Variants in SYNE2 observed in about 807,000 individuals in gnomAD.
SYNE2 encodes the protein nesprin-2.
In SYNE2, 431 loss-of-function variants were observed where a neutral mutation model predicts 856.3. The observed-to-expected ratio is 0.50, with a 90% CI of 0.47 to 0.55. SYNE2 has a LOEUF of 0.55. Among genes scored for constraint, SYNE2 ranks in the 20% least tolerant of loss-of-function variants. SYNE2 has a pLI of 0.00. For missense variants in SYNE2, 8,129 were observed against 8,023.2 expected (o/e 1.01, Z -0.50); for synonymous variants, 2,923 against 2,872.3 (o/e 1.02, Z -0.56).
intron 55 of SYNE2, among the ~76,000 whole-genome samples, chr14:64,079,972 C>CCA: frequency 6.6e-6 from 1 of 152,222 alleles, no homozygotes; most frequent in East Asian, 1.9e-4. Flanking sequence ...ATTGTGTGAG[C>CCA]CACTGCACCC....
intron 85 of SYNE2, among the ~76,000 whole-genome samples, chr14:64,155,346 C>G (rs777806139): frequency 2.6e-5 from 4 of 151,998 alleles, no homozygotes; most frequent in African/African-American, 9.7e-5. Context: ...GAGTGAAAGA[C>G]GCCAGTCACA....
chr14:64,079,967 G>T (rs1295253449), intron 55 of SYNE2, among the ~76,000 whole-genome samples: 1 of 152,120 alleles, frequency 6.6e-6, no homozygotes, highest in African/African-American at 2.4e-5. Context: ...CCAAAATTGT[G>T]TGAGCCACTG....
chr14:64,068,020 C>T (rs2097370817), intron 51 of SYNE2, among the ~76,000 whole-genome samples: 1 of 152,058 alleles, frequency 6.6e-6, no homozygotes. Flanking sequence ...TACAATTGAC[C>T]GTGAACCTGA....
intron 11 of SYNE2, among the ~76,000 whole-genome samples, chr14:63,968,624 A>G (rs2096429496): frequency 6.6e-6 from 1 of 152,208 alleles, no homozygotes; most frequent in South Asian, 2.1e-4. Flanking sequence ...AACTTTGTGC[A>G]CTTGAAAAGA....
intron 1 of SYNE2, among the ~76,000 whole-genome samples, chr14:63,837,676 A>C (rs1416303020): frequency 1.3e-5 from 2 of 152,126 alleles, no homozygotes; most frequent in African/African-American, 4.8e-5. Context: ...GCACTTTAAG[A>C]GGCCAAGGCA....
At chr14:64,115,015 G>A (rs1371582601) in intron 66 of SYNE2, among the ~76,000 whole-genome samples, 3 of 152,190 alleles carry the variant, frequency 2.0e-5, no homozygotes, top group Non-Finnish European at 2.9e-5. Context: ...ATGCCATAGA[G>A]CGTCATACAG....
intron 2 of SYNE2, among the ~76,000 whole-genome samples, chr14:63,925,114 C>T (rs572032200): frequency 8.6e-5 from 13 of 151,832 alleles, no homozygotes; most frequent in Admixed American, 2.0e-4. Context: ...CCAGCTTGGG[C>T]GACATGGTAA....
At chr14:64,160,607 G>T (rs192675743) in intron 87 of SYNE2, among the ~76,000 whole-genome samples, 16 of 152,330 alleles carry the variant, frequency 1.1e-4, no homozygotes, top group African/African-American at 3.4e-4. Flanking sequence ...GTAAAGCAGT[G>T]TGCTATTTTC....
intron 77 of SYNE2, among the ~76,000 whole-genome samples, chr14:64,133,508 G>A (rs1171043138): frequency 6.6e-6 from 1 of 152,098 alleles, no homozygotes; most frequent in Non-Finnish European, 1.5e-5. Flanking sequence ...TGGAAACGGG[G>A]CAAGCTAAAA....
chr14:64,169,311 G>A (rs1441168782), intron 93 of SYNE2, among the ~76,000 whole-genome samples: 2 of 152,186 alleles, frequency 1.3e-5, no homozygotes, highest in African/African-American at 2.4e-5. Context: ...TCCTCATGAT[G>A]TTTTGCGACT....
At chr14:64,053,731 C>G in intron 48 of SYNE2, 74 bp downstream of exon 48, 2 of 1,476,450 alleles carry the variant, frequency 1.4e-6, no homozygotes, top group Non-Finnish European at 1.8e-6. Context: ...TTTTGGGAGG[C>G]CAAGGCTGGC....
At chr14:64,126,863 C>T (rs2097951188) in intron 73 of SYNE2, 56 bp downstream of exon 73, 14 of 1,521,672 alleles carry the variant, frequency 9.2e-6, no homozygotes, top group South Asian at 2.2e-5. Context: ...CAGCATGAAC[C>T]CCTAATGCCT....
At chr14:63,863,523 T>A (rs1894316139) in intron 1 of SYNE2, among the ~76,000 whole-genome samples, 1 of 152,192 alleles carries the variant, frequency 6.6e-6, no homozygotes, top group African/African-American at 2.4e-5. Context: ...ACTCAGAAGA[T>A]ATTTTTATCT....
Position 64,219,720 on chromosome 14 carries a change from ACTGT to A in SYNE2, c.19860+312_19860+315del, listed in dbSNP as rs1328855752. On this transcript the variant is annotated intron_variant, in intron 110 of 115. Coordinates refer to ENST00000555002, the MANE Select transcript of SYNE2 (RefSeq NM_182914.3). ...GACTTTTCTGGAGGTGCTAGTGGACACTGTCAGGCAGTGTAAAACCACTCTTCCA... is the reference window on the plus strand; with the variant it reads ...GACTTTTCTGGAGGTGCTAGTGGACACAGGCAGTGTAAAACCACTCTTCCA... Among the ~76,000 whole-genome samples, 4 of 152,346 alleles carry A rather than the reference ACTGT, an allele frequency of 2.6e-5. No individual in the cohort carries two copies. In the East Asian group the frequency reaches 5.8e-4, roughly 22 times the overall value.
intron 112 of SYNE2, among the ~76,000 whole-genome samples, chr14:64,222,331 G>A (rs975341230): frequency 3.3e-5 from 5 of 152,168 alleles, no homozygotes; most frequent in African/African-American, 1.2e-4. Flanking sequence ...GATGACCTGT[G>A]TCTGCACTGT....
At chr14:63,770,069 G>T (rs2139702458) in intron 1 of SYNE2, among the ~76,000 whole-genome samples, 1 of 152,078 alleles carries the variant, frequency 6.6e-6, no homozygotes, top group African/African-American at 2.4e-5. Context: ...GTGCCATCAT[G>T]CCTGGCTAAT....
chr14:63,774,619 C>T (rs75153702), intron 1 of SYNE2, among the ~76,000 whole-genome samples: 21 of 151,968 alleles, frequency 1.4e-4, no homozygotes, highest in East Asian at 1.9e-4. Context: ...ACTGCAGCCC[C>T]CATGTCCCAG....
chr14:63,898,264 A>G (rs927743496), intron 1 of SYNE2, among the ~76,000 whole-genome samples: 6 of 152,078 alleles, frequency 3.9e-5, no homozygotes, highest in Admixed American at 3.9e-4. Flanking sequence ...TCCTGCCTCA[A>G]TCTGCTGCAT....
intron 13 of SYNE2, among the ~76,000 whole-genome samples, chr14:63,978,532 TTTA>T (rs2096562068): frequency 1.3e-5 from 2 of 152,198 alleles, no homozygotes; most frequent in Admixed American, 6.5e-5. Flanking sequence ...AGATTATAGT[TTTA>T]TTAAGTTATG....
Sources: gnomAD v4.1 joint callset for allele counts (sites outside exome capture counted in the v4.1 genomes callset) on GRCh38, gnomAD v4.1.1 for gene constraint, MANE v1.5 for transcripts, NCBI Gene and HGNC (gene_info 2026-07-23, HGNC 2026-07-21) for gene names.